SPTB: variants seen among roughly 807,000 people sequenced by gnomAD.
SPTB encodes the protein spectrin beta, erythrocytic.
Under a neutral mutation model 256.2 loss-of-function variants are expected in SPTB, and 45 were observed. The observed-to-expected ratio is 0.18, with a 90% CI of 0.14 to 0.23. SPTB has a LOEUF of 0.23. SPTB is among the 10% of genes least tolerant of loss of function. The pLI is 1.00. For missense variants in SPTB, 2,715 were observed against 3,040.4 expected, an observed-to-expected ratio of 0.89 and a Z score of 2.52; for synonymous variants, 1,231 against 1,243.1, an observed-to-expected ratio of 0.99 and a Z score of 0.21.
intron 2 of SPTB, among the ~76,000 whole-genome samples, chr14:64,814,788 G>C (rs1406450204): frequency 6.6e-6 from 1 of 152,262 alleles, no homozygotes; most frequent in East Asian, 1.9e-4. Flanking sequence ...TTACAGGCAT[G>C]AGCCACTGCG....
rs1594758070 is a variant in SPTB, at chr14:64,772,043, T to C, written c.5553+537A>G. ...GGGGCAGGGGTCTGAACAGTAGAAC[T>C]TGGGGGCTCTCCAGCTCCCATGTGG... On this transcript the variant is annotated intron_variant, in intron 26 of 35. Transcript: ENST00000644917. This position sits in a 1 kb window ranked among gnomAD's most constrained non-coding sequence, Gnocchi z 5.4. 1.3e-5 allele frequency among the ~76,000 whole-genome samples: 2 copies of C among 152,144 alleles called. No individual in the cohort carries two copies. Among genetic ancestry groups the C allele is most frequent in the Admixed American group, 6.5e-5 (1 of 15,276 alleles).
At chr14:64,864,401 A>AT (rs1882033808) in intron 1 of SPTB, among the ~76,000 whole-genome samples, 1 of 152,126 alleles carries the variant, frequency 6.6e-6, no homozygotes, top group Admixed American at 6.5e-5. Context: ...GTGAGCTATG[A>AT]TTGCATCACT....
chr14:64,775,511 T>C lies in SPTB; in HGVS notation c.4564-108A>G. On this transcript the variant is annotated intron_variant, in intron 22 of 35. Coordinates refer to ENST00000644917, the MANE Select transcript of SPTB (RefSeq NM_001355436.2). This position sits in a 1 kb window ranked among gnomAD's most constrained non-coding sequence, Gnocchi z 5.0. ...CACCCTTGGTCCCTCTCACCCCCGT[T>C]GCTAGAGCAGAGCAGGTGATGGCGA... 2 of 1,416,204 alleles carry C rather than the reference T, an allele frequency of 1.4e-6. No homozygotes were observed. The highest frequency in any genetic ancestry group is 4.6e-5 in the Admixed American group (2 of 43,844). The allele number at this position is 1,416,204 out of a possible 1,614,324, so 87.7% of individuals were successfully genotyped here.
intron 33 of SPTB, among the ~76,000 whole-genome samples, chr14:64,750,708 G>A (rs1006681849): frequency 1.3e-5 from 2 of 151,470 alleles, no homozygotes; most frequent in African/African-American, 4.9e-5. Context: ...CCCGGGAGGC[G>A]AAGCTTGTAG....
chr14:64,876,312 T>C (rs1158502887), intron 1 of SPTB, among the ~76,000 whole-genome samples: 2 of 152,128 alleles, frequency 1.3e-5, no homozygotes, highest in Non-Finnish European at 1.5e-5. Context: ...TGGCTAATTT[T>C]TGTATTTTTA....
At chr14:64,828,015 C>T (rs2083399828) in intron 1 of SPTB, among the ~76,000 whole-genome samples, 2 of 152,222 alleles carry the variant, frequency 1.3e-5, no homozygotes, top group Admixed American at 1.3e-4. Flanking sequence ...TTTCACACTA[C>T]AGCTCCCATC....
intron 33 of SPTB, chr14:64,752,462 C>A: frequency 2.6e-6 from 1 of 380,082 alleles, no homozygotes; most frequent in South Asian, 1.9e-5. Flanking sequence ...GGGATCTTTC[C>A]TCTGGCAGAA....
chr14:64,851,581 T>C (rs1437950603), intron 1 of SPTB, among the ~76,000 whole-genome samples: 1 of 152,168 alleles, frequency 6.6e-6, no homozygotes, highest in Non-Finnish European at 1.5e-5. Flanking sequence ...AAAAGGCATG[T>C]TGTGTGCCAG....
rs924702238 is a variant in SPTB at position 64,845,581 on chromosome 14, A to G, written c.-51-22436T>C. Among the ~76,000 whole-genome samples the G allele has an allele frequency of 6.6e-6, 1 of 152,238 alleles. No individual in the cohort carries two copies. Among genetic ancestry groups the G allele is most frequent in the African/African-American group, 2.4e-5 (1 of 41,466 alleles). ...CTCAAACTTAAAGTTTTACCAGACTATAGGACTGTAGAGATGAAAAGCAAA... is the reference window on the plus strand; with the variant it reads ...CTCAAACTTAAAGTTTTACCAGACTGTAGGACTGTAGAGATGAAAAGCAAA... On this transcript the variant is annotated intron_variant, in intron 1 of 35. Coordinates refer to ENST00000644917, the MANE Select transcript of SPTB (RefSeq NM_001355436.2). This position sits in a 1 kb window ranked among gnomAD's most constrained non-coding sequence, Gnocchi z 4.8.
At position 64,801,616 on chromosome 14, in the gene SPTB, T is replaced by C. The variant is rs570828766; in HGVS notation, c.647+138A>G. 11 of 970,526 alleles carry C rather than the reference T, an allele frequency of 1.1e-5. No individual in the cohort carries two copies. The East Asian group carries it at 2.6e-4, about 23-fold the overall frequency. The allele number at this position is 970,526 out of a possible 1,614,324, so 60.1% of individuals were successfully genotyped here. ...TGCTGGGATTTAAGGAAAGTGAAGG[T>C]GCTATGGGCTGCTGAAGGGGAGAGG... On this transcript the variant is annotated intron_variant, in intron 6 of 35. Transcript: ENST00000644917.
chr14:64,786,573 T>A lies in SPTB; in HGVS notation c.3392A>T (p.Gln1131Leu). ...CAGAAGCAGATACTCTGGGTCCGTC[T>A]GGCCTTGGATCACTTTCTCCCCAGA... is the stretch of plus-strand genomic sequence containing the variant. ...KESGEKVIQG[Q>L]TDPEYLLLGQ... is the part of the protein sequence containing the mutation. Residue 1131 changes from glutamine (Q) to leucine (L), a missense_variant, in exon 16 of 36, where the codon CAG becomes CTG. By Grantham distance (113) the Gln-to-Leu change is moderately radical. Around this residue, in one of 4 missense-constraint regions of SPTB, gnomAD observed 2,239 missense variants for 2,384.4 expected, o/e 0.94. Transcript: ENST00000644917. The surrounding 1 kb of genome is among the most constrained non-coding windows in gnomAD (Gnocchi z 5.6). The A allele has an allele frequency of 6.2e-7, 1 of 1,614,194 alleles. No homozygotes were observed.
intron 1 of SPTB, among the ~76,000 whole-genome samples, chr14:64,857,970 A>G (rs2083899674): frequency 1.3e-5 from 2 of 152,218 alleles, no homozygotes; most frequent in African/African-American, 4.8e-5. Context: ...CATCTGACAC[A>G]CATTTTTATC....
intron 1 of SPTB, among the ~76,000 whole-genome samples, chr14:64,828,029 A>G (rs941583398): frequency 6.6e-6 from 1 of 152,062 alleles, no homozygotes; most frequent in Non-Finnish European, 1.5e-5. Flanking sequence ...TCCCATCCCA[A>G]CCAAGTCTGG....
chr14:64,838,194 A>G (rs2083555350), intron 1 of SPTB, among the ~76,000 whole-genome samples: 2 of 152,214 alleles, frequency 1.3e-5, no homozygotes, highest in Admixed American at 1.3e-4. Context: ...CCGCTGGAAC[A>G]ACTGGACATC....
chr14:64,770,894 T>C lies in SPTB; in HGVS notation c.5789A>G (p.Glu1930Gly). The change falls in exon 27 of 36, where the codon GAG becomes GGG. Residue 1930 changes from glutamate (E) to glycine (G), a missense_variant. Transcript: ENST00000644917. ...ESIIRQIETQ[E>G]RPRDVSSVEL... ...AGGACACTCCCCTCACCTGGGCCTCTCCTGGGTCTCGATCTGCCGGATGAT... is the reference window on the plus strand; with the variant it reads ...AGGACACTCCCCTCACCTGGGCCTCCCCTGGGTCTCGATCTGCCGGATGAT... The C allele has an allele frequency of 6.2e-7, 1 of 1,614,066 alleles. No individual in the cohort carries two copies. Among genetic ancestry groups the C allele is most frequent in the Non-Finnish European group, 8.5e-7 (1 of 1,180,034 alleles).
chr14:64,794,377 T>C, intron 13 of SPTB, 90 bp downstream of exon 13: 1 of 1,538,362 alleles, frequency 6.5e-7, no homozygotes, highest in South Asian at 1.1e-5. Context: ...TTAAAGTTGG[T>C]TCCAGGAGAT....
chr14:64,823,284 C>A lies in SPTB; in HGVS notation c.-51-139G>T. 1.5e-6 allele frequency: 1 copy of A among 686,364 alleles called. No homozygotes were observed. Among genetic ancestry groups the A allele is most frequent in the Non-Finnish European group, 2.6e-6 (1 of 387,496 alleles). 42.5% of individuals were successfully genotyped at this position (686,364 alleles called of 1,614,324 possible). ...CATGTCATCTGCCTGGGCGTGCTTC[C>A]TACCAGGGTCTCTGGGTCGTTTGTT... On this transcript the variant is annotated intron_variant, in intron 1 of 35. Transcript: ENST00000644917. The surrounding 1 kb of genome is among the most constrained non-coding windows in gnomAD (Gnocchi z 6.5).
chr14:64,828,611 A>T (rs569788682), intron 1 of SPTB, among the ~76,000 whole-genome samples: 1 of 152,306 alleles, frequency 6.6e-6, no homozygotes, highest in South Asian at 2.1e-4. Flanking sequence ...ATTATCCTCT[A>T]TTGGGATTCT....
chr14:64,782,338 G>C lies in SPTB; in HGVS notation c.4218C>G (p.Asp1406Glu). The C allele has an allele frequency of 6.2e-7, 1 of 1,614,194 alleles. No homozygotes were observed. The highest frequency in any genetic ancestry group is 8.5e-7 in the Non-Finnish European group (1 of 1,180,038). Residue 1406 changes from aspartate (D) to glutamate (E), a missense_variant, in exon 20 of 36, where the codon GAC becomes GAG. Physicochemically the swap from Asp to Glu is conservative, Grantham distance 45. Coordinates refer to ENST00000644917, the MANE Select transcript of SPTB (RefSeq NM_001355436.2). ...SAMEDQLRSD[D>E]PGKDLTSVNR... The stretch of plus-strand genomic sequence containing the variant: ...TGACACTGGTCAGGTCCTTGCCCGG[G>C]TCGTCTGACCGCAGCTGGTCCTCCA...
Sources: gnomAD v4.1 joint callset for allele counts (sites outside exome capture counted in the v4.1 genomes callset) on GRCh38, gnomAD v4.1.1 for gene constraint, gnomAD v4.1.1 regional missense constraint, Gnocchi (gnomAD v3.1) non-coding constraint, MANE v1.5 for transcripts, NCBI Gene and HGNC (gene_info 2026-07-23, HGNC 2026-07-21) for gene names.